CP: variants seen among roughly 807,000 people sequenced by gnomAD.
CP encodes ceruloplasmin.
Under a neutral mutation model 122.4 loss-of-function variants are expected in CP, and 64 were observed. The ratio of observed to expected loss-of-function variants is 0.52; its 90% CI spans 0.43 to 0.64. The LOEUF (loss-of-function observed/expected upper bound fraction) is 0.64, where lower values mean the gene tolerates loss of function less well. CP is among the 30% of genes least tolerant of loss of function. The probability of loss-of-function intolerance (pLI) is 0.00; values close to 1 mark genes in which losing one functional copy is unlikely to be tolerated. For synonymous variants in CP, 440 were observed against 436.4 expected (o/e 1.01, Z -0.10); for missense variants, 1,167 against 1,284.4 (o/e 0.91, Z 1.40).
intron 13 of CP, 91 bp from the exon 14 acceptor site, chr3:149,182,224 C>G (rs1725834795): frequency 2.7e-6 from 4 of 1,475,864 alleles, no homozygotes; most frequent in Non-Finnish European, 2.8e-6. Context: ...TTTCTCTCCC[C>G]CATGGGTTTG....
chr3:149,209,348 C>T lies in CP; in HGVS notation c.644G>A (p.Arg215Gln), dbSNP rs752403484. The T allele has an allele frequency of 9.9e-6, 16 of 1,613,526 alleles. No homozygotes were observed. Among genetic ancestry groups the T allele is most frequent in the Admixed American group, 5.0e-5 (3 of 59,974 alleles). Residue 215 changes from arginine (R) to glutamine (Q), a missense_variant, in exon 4 of 19, where the codon CGA becomes CAA. Arg to Gln is a conservative substitution (Grantham distance 43). Around this residue, in one of 2 missense-constraint regions of CP, gnomAD observed 642 missense variants for 627.3 expected, o/e 1.02. Transcript: ENST00000264613. ...LDKEKEKHID[R>Q]EFVVMFSVVD... ...CACAGAAAACATCACCACAAATTCT[C>T]GGTCAATATGTTTTTCTTTTTCTTT...
At chr3:149,166,981 G>A (rs1041130008) in intron 4 of CP, 2 of 1,351,936 alleles carry the variant, frequency 1.5e-6, no homozygotes, top group Non-Finnish European at 1.1e-6. Flanking sequence ...TGCATGTTGT[G>A]TTTTAGTTTT....
chr3:149,208,167 G>A (rs1576775889), intron 4 of CP, among the ~76,000 whole-genome samples: 1 of 151,928 alleles, frequency 6.6e-6, no homozygotes, highest in Admixed American at 6.6e-5. Context: ...ATGTAGAAGG[G>A]CAGCAGGGAC....
chr3:149,180,071 T>C, intron 14 of CP: 1 of 256,748 alleles, frequency 3.9e-6, no homozygotes. Context: ...CCGTAATCTC[T>C]GCATGTGTGT....
In CP at chr3:149,167,017, C is replaced by G; in HGVS notation, c.587-967G>C. 6.3e-7 allele frequency: 1 copy of G among 1,591,998 alleles called. No homozygotes were observed. ...TGAGGTGCCTCATTTCATAACATTTCACTTTTCTGTTCATAGTCTCTTATA... is the reference window on the plus strand; with the variant it reads ...TGAGGTGCCTCATTTCATAACATTTGACTTTTCTGTTCATAGTCTCTTATA... On this transcript the variant is annotated intron_variant, in intron 4 of 5. Coordinates refer to the CP transcript ENST00000479771.
rs751855684 is a variant in CP at position 149,183,597 on chromosome 3, T to C, written c.2294A>G (p.Asn765Ser). ...LHHLQEQNVSNAFLDKGEFYI... is the reference protein window; with the variant it reads ...LHHLQEQNVSSAFLDKGEFYI... ...AAACTCTCCCTTATCTAAAAATGCATTTGAAACACTTAAAAAAAAAAACAA... is the reference window on the plus strand; with the variant it reads ...AAACTCTCCCTTATCTAAAAATGCACTTGAAACACTTAAAAAAAAAAACAA... The change falls in exon 13 of 19, where the codon AAT becomes AGT. Residue 765 changes from asparagine (N) to serine (S), a missense_variant. Physicochemically the swap from Asn to Ser is conservative, Grantham distance 46. This residue lies in a region of CP where 525 missense variants were observed against 657.2 expected (regional missense o/e 0.80). Coordinates refer to ENST00000264613, the MANE Select transcript of CP (RefSeq NM_000096.4). 1 of 1,580,202 alleles carries C rather than the reference T, an allele frequency of 6.3e-7. No homozygotes were observed. The highest frequency in any genetic ancestry group is 1.1e-5 in the South Asian group (1 of 88,696).
At chr3:149,216,726 G>C (rs540053127) in intron 1 of CP, among the ~76,000 whole-genome samples, 6 of 152,222 alleles carry the variant, frequency 3.9e-5, no homozygotes, top group East Asian at 1.9e-4. Context: ...CTCCACTGGC[G>C]CAGCATGAAT....
chr3:149,181,976 A>AGGGGCC, intron 14 of CP, 29 bp downstream of exon 14: 1 of 561,808 alleles, frequency 1.8e-6, no homozygotes, highest in Non-Finnish European at 3.3e-6. Flanking sequence ...GTTAAAATGC[A>AGGGGCC]CCACCCCCAC....
intron 18 of CP, among the ~76,000 whole-genome samples, 194 bp from the exon 19 acceptor site, chr3:149,173,924 A>G (rs1379792399): frequency 6.6e-6 from 1 of 152,138 alleles, no homozygotes; most frequent in Admixed American, 6.5e-5. Context: ...TTTCTTCCCT[A>G]CAAGATCTTT....
chr3:149,200,127 A>G (rs1385584521), intron 7 of CP: 1 of 454,312 alleles, frequency 2.2e-6, no homozygotes, highest in Non-Finnish European at 4.1e-6. Context: ...TAAGCTTTAC[A>G]CATCTACAAA....
At chr3:149,179,245 A>T (rs1422893869) in intron 15 of CP, among the ~76,000 whole-genome samples, 1 of 152,066 alleles carries the variant, frequency 6.6e-6, no homozygotes, top group African/African-American at 2.4e-5. Context: ...ATTCCACCAG[A>T]ATGAAGGATC....
intron 9 of CP, among the ~76,000 whole-genome samples, chr3:149,191,957 A>G (rs1172210084): frequency 2.0e-5 from 3 of 152,086 alleles, no homozygotes; most frequent in Non-Finnish European, 1.5e-5. Flanking sequence ...AACTATAGCT[A>G]AGAGATGAAT....
At position 149,221,813 on chromosome 3, in the gene CP, C is replaced by T; in HGVS notation, c.-21G>A. ...TTCATTTTTTTCCCCTTCTTGGAGC[C>T]TGAGAAGAAATGAAGTAAAATCAGG... is the stretch of plus-strand genomic sequence containing the variant. On this transcript the variant is annotated 5_prime_UTR_variant, in exon 1 of 19. Transcript: ENST00000264613. 3 of 1,613,008 alleles carry T rather than the reference C, an allele frequency of 1.9e-6. No individual in the cohort carries two copies. The highest frequency in any genetic ancestry group is 2.5e-6 in the Non-Finnish European group (3 of 1,179,368).
chr3:149,162,752 G>A lies in CP; in HGVS notation c.*137C>T, dbSNP rs1366063625. 19 of 1,613,912 alleles carry A rather than the reference G, an allele frequency of 1.2e-5. No individual in the cohort carries two copies. The highest frequency in any genetic ancestry group is 1.6e-5 in the Non-Finnish European group (19 of 1,179,948). On this transcript the variant is annotated 3_prime_UTR_variant, in exon 6 of 6. Transcript: ENST00000479771. The stretch of plus-strand genomic sequence containing the variant: ...TCTTGGTAGACTTTTGGGAAGCTCA[G>A]CTAGTGGCATGTCTCCCAGATGTGG...
At chr3:149,181,068 G>A (rs1174544571) in intron 14 of CP, among the ~76,000 whole-genome samples, 1 of 152,132 alleles carries the variant, frequency 6.6e-6, no homozygotes, top group African/African-American at 2.4e-5. Context: ...ACTGACCCCA[G>A]ATTCTGTCCT....
chr3:149,199,217 G>A (rs34841236), intron 8 of CP, among the ~76,000 whole-genome samples: 2,087 of 151,962 alleles, frequency 0.014, 48 homozygotes, highest in African/African-American at 0.046. Context: ...AACAAACTCC[G>A]ATTATGAAAT....
chr3:149,198,334 T>A lies in CP; in HGVS notation c.1713+33A>T, dbSNP rs368723480. The A allele has an allele frequency of 7.5e-4, 1,154 of 1,535,438 alleles. 22 individuals carry two copies. In the South Asian group the frequency reaches 0.012, roughly 16 times the overall value. ...TGTCAAATGATCATTTTCAAAGAGATTGAACAATTTTTTTTTCCCCAGTTG... is the reference window on the plus strand; with the variant it reads ...TGTCAAATGATCATTTTCAAAGAGAATGAACAATTTTTTTTTCCCCAGTTG... On this transcript the variant is annotated intron_variant, in intron 9 of 18. Transcript: ENST00000264613.
chr3:149,172,536 A>G lies in CP; in HGVS notation c.*1178T>C, dbSNP rs1725108695. 3.9e-6 allele frequency: 1 copy of G among 259,026 alleles called. No individual in the cohort carries two copies. The highest frequency in any genetic ancestry group is 7.7e-6 in the Non-Finnish European group (1 of 130,294). The allele number at this position is 259,026 out of a possible 1,614,324, so 16.0% of individuals were successfully genotyped here. On this transcript the variant is annotated 3_prime_UTR_variant, in exon 19 of 19. Transcript: ENST00000264613. Reference sequence around the variant, plus strand: ...GGGATTGACTTTTATTCCAAGGAACAACATCAGTTCACTGTTGTTGGAGAC... The same window carrying G: ...GGGATTGACTTTTATTCCAAGGAACGACATCAGTTCACTGTTGTTGGAGAC...
In CP at chr3:149,183,577, C is replaced by G. The variant is rs1725929888; in HGVS notation, c.2314G>C (p.Glu772Gln). ...TTGTACTTTGAGCCTATGTAAAACT[C>G]TCCCTTATCTAAAAATGCATTTGAA... Reference protein sequence around the residue: ...NVSNAFLDKGEFYIGSKYKKV... With the variant: ...NVSNAFLDKGQFYIGSKYKKV... Residue 772 changes from glutamate (E) to glutamine (Q), a missense_variant, in exon 13 of 19, where the codon GAG (glutamate) becomes CAG (glutamine). Physicochemically the swap from Glu to Gln is conservative, Grantham distance 29 (BLOSUM62 2). Coordinates refer to ENST00000264613, the MANE Select transcript of CP (RefSeq NM_000096.4). 6.2e-7 allele frequency: 1 copy of G among 1,600,162 alleles called. No homozygotes were observed. Among genetic ancestry groups the G allele is most frequent in the East Asian group, 2.2e-5 (1 of 44,772 alleles).
Sources: gnomAD v4.1 joint callset for allele counts (sites outside exome capture counted in the v4.1 genomes callset) on GRCh38, gnomAD v4.1.1 for gene constraint, gnomAD v4.1.1 regional missense constraint, MANE v1.5 for transcripts, NCBI Gene and HGNC (gene_info 2026-07-23, HGNC 2026-07-21) for gene names.